Variants in DGKB observed in about 807,000 individuals in gnomAD.
DGKB encodes the protein 90 kDa diacylglycerol kinase.
In DGKB, 67 loss-of-function variants were observed where a neutral mutation model predicts 114.3. The observed-to-expected ratio is 0.59, with a 90% CI of 0.48 to 0.72. DGKB has a LOEUF of 0.72. Ranked by LOEUF, DGKB falls within the 30% of genes least tolerant of loss-of-function variation. The pLI is 0.00. For missense variants in DGKB, 907 were observed against 975.2 expected, an observed-to-expected ratio of 0.93 and a Z score of 0.93; for synonymous variants, 398 against 323.1, an observed-to-expected ratio of 1.23 and a Z score of -2.49.
chr7:14,152,889 A>C (rs1782434247), intron 25 of DGKB, among the ~76,000 whole-genome samples: 1 of 152,074 alleles, frequency 6.6e-6, no homozygotes, highest in Admixed American at 6.6e-5. Flanking sequence ...TGTGCTGAGC[A>C]TTTTGCTAAG....
At chr7:14,702,467 A>T (rs1825368390) in intron 6 of DGKB, among the ~76,000 whole-genome samples, 1 of 152,168 alleles carries the variant, frequency 6.6e-6, no homozygotes, top group East Asian at 1.9e-4. Context: ...CTAATCAAGT[A>T]AGGGAAAGGA....
chr7:14,244,376 G>A (rs6960663), intron 23 of DGKB, among the ~76,000 whole-genome samples: 1 of 152,120 alleles, frequency 6.6e-6, no homozygotes, highest in Non-Finnish European at 1.5e-5. Context: ...GAGGGTGCTG[G>A]CCGGGCGCGG....
chr7:14,735,912 A>T, intron 5 of DGKB, 129 bp downstream of exon 5: 1 of 491,648 alleles, frequency 2.0e-6, no homozygotes, highest in Non-Finnish European at 3.5e-6. Flanking sequence ...ACACAATCTT[A>T]TTGTAAAAGT....
chr7:14,622,110 T>A (rs904038652), intron 14 of DGKB, among the ~76,000 whole-genome samples: 2 of 152,064 alleles, frequency 1.3e-5, no homozygotes, highest in Middle Eastern at 3.2e-3. Context: ...CCAAACTATC[T>A]TTTACTAAAA....
intron 4 of DGKB, among the ~76,000 whole-genome samples, chr7:14,739,859 T>A (rs1463092903): frequency 3.3e-5 from 5 of 152,216 alleles, no homozygotes; most frequent in African/African-American, 1.2e-4. Context: ...TCTTTTACAA[T>A]ATCAGGAGTG....
chr7:14,350,596 G>C (rs2357898), intron 21 of DGKB, among the ~76,000 whole-genome samples: 102,105 of 151,438 alleles, frequency 0.67, 35,155 homozygotes, highest in Middle Eastern at 0.81. Context: ...ACTCTGAGAG[G>C]TCATATTTTT....
intron 2 of DGKB, among the ~76,000 whole-genome samples, chr7:14,778,060 C>T (rs1838471371): frequency 6.6e-6 from 1 of 152,130 alleles, no homozygotes; most frequent in African/African-American, 2.4e-5. Context: ...ATTAAAGAGA[C>T]ATCAGTATTA....
intron 1 of DGKB, among the ~76,000 whole-genome samples, chr7:14,928,380 A>G (rs966688502): frequency 4.6e-5 from 7 of 152,018 alleles, no homozygotes; most frequent in Non-Finnish European, 8.8e-5. Context: ...TTCTCAAAAT[A>G]ATGAACAAAT....
At chr7:14,798,822 A>G (rs745921619) in intron 2 of DGKB, among the ~76,000 whole-genome samples, 1 of 152,228 alleles carries the variant, frequency 6.6e-6, no homozygotes, top group Non-Finnish European at 1.5e-5. Flanking sequence ...ATTGTAACAG[A>G]TATAGTCAGC....
intron 16 of DGKB, among the ~76,000 whole-genome samples, chr7:14,612,042 A>G: frequency 6.6e-6 from 1 of 151,774 alleles, no homozygotes; most frequent in African/African-American, 2.4e-5. Flanking sequence ...ATTCCCTTTA[A>G]TAAAGCATTA....
At chr7:14,312,527 T>G (rs529497604) in intron 23 of DGKB, among the ~76,000 whole-genome samples, 19 of 152,228 alleles carry the variant, frequency 1.2e-4, no homozygotes, top group Non-Finnish European at 2.5e-4. Flanking sequence ...AAAATTTTAT[T>G]AAATATTTAC....
chr7:14,261,885 A>G (rs745954518), intron 23 of DGKB, among the ~76,000 whole-genome samples: 5 of 152,202 alleles, frequency 3.3e-5, no homozygotes, highest in Non-Finnish European at 7.3e-5. Context: ...ATTAAATGTC[A>G]TTAAGAACAC....
At chr7:14,702,790 G>C (rs1825436727) in intron 6 of DGKB, among the ~76,000 whole-genome samples, 1 of 151,996 alleles carries the variant, frequency 6.6e-6, no homozygotes, top group Non-Finnish European at 1.5e-5. Context: ...GATTATTTTT[G>C]TATTTAATGG....
rs1223280536 is a variant in DGKB at position 14,749,060 on chromosome 7, A to G, written c.168+4868T>C. ...TTTCGCATTCTAATTTATATCATTA[A>G]CTAATTATATCAAACTCAAAAATTG... On this transcript the variant is annotated intron_variant, in intron 4 of 25. Coordinates refer to ENST00000402815, the MANE Select transcript of DGKB (RefSeq NM_001350709.2). 2.6e-5 allele frequency among the ~76,000 whole-genome samples: 4 copies of G among 152,166 alleles called. No individual in the cohort carries two copies. The East Asian group carries it at 7.7e-4, about 29-fold the overall frequency.
chr7:14,769,313 G>C (rs140744193), intron 2 of DGKB, among the ~76,000 whole-genome samples: 2 of 151,642 alleles, frequency 1.3e-5, no homozygotes, highest in East Asian at 3.9e-4. Context: ...TACAAAGCCA[G>C]TTTGATATGG....
chr7:14,759,570 T>G (rs1835389667), intron 2 of DGKB, among the ~76,000 whole-genome samples: 1 of 152,204 alleles, frequency 6.6e-6, no homozygotes, highest in South Asian at 2.1e-4. Flanking sequence ...TTTTCCATGT[T>G]ATAACATGTA....
chr7:14,858,115 T>C (rs992760865), intron 1 of DGKB, among the ~76,000 whole-genome samples: 1 of 152,136 alleles, frequency 6.6e-6, no homozygotes, highest in Non-Finnish European at 1.5e-5. Flanking sequence ...GAACGGGTAT[T>C]TGATGGTAAA....
At chr7:14,782,005 T>TAAAAA (rs1839171081) in intron 2 of DGKB, among the ~76,000 whole-genome samples, 1 of 152,140 alleles carries the variant, frequency 6.6e-6, no homozygotes, top group Non-Finnish European at 1.5e-5. Context: ...AAGCATTTTT[T>TAAAAA]TAAAAAAAAT....
At chr7:14,376,969 G>GGC (rs1818590037) in intron 21 of DGKB, among the ~76,000 whole-genome samples, 1 of 152,152 alleles carries the variant, frequency 6.6e-6, no homozygotes, top group African/African-American at 2.4e-5. Context: ...CATACTGCAA[G>GGC]GCCACATTGT....
Sources: allele counts gnomAD v4.1 joint callset (sites outside exome capture counted in the v4.1 genomes callset), GRCh38; gene constraint gnomAD v4.1.1; transcripts MANE v1.5; gene names NCBI Gene and HGNC (gene_info 2026-07-23, HGNC 2026-07-21).